The following EIF1B variants were observed in gnomAD, a reference collection of about 807,000 sequenced individuals.
EIF1B encodes protein translation factor SUI1 homolog GC20.
EIF1B carries 5 observed loss-of-function variants against 14.8 expected under a neutral mutation model. The observed-to-expected ratio is 0.34, with a 90% CI of 0.18 to 0.71. The LOEUF (loss-of-function observed/expected upper bound fraction) is 0.71, where lower values mean the gene tolerates loss of function less well. Ranked by LOEUF, EIF1B falls within the 30% of genes least tolerant of loss-of-function variation. The pLI, the probability that EIF1B is intolerant of heterozygous loss-of-function variation, is 0.64. For synonymous variants in EIF1B, 45 were observed against 45.8 expected (o/e 0.98, Z 0.07); for missense variants, 56 against 134.0 (o/e 0.42, Z 2.87).
At chr3:40,310,553 T>C (rs1018300966) in intron 1 of EIF1B, 1 of 209,988 alleles carries the variant, frequency 4.8e-6, no homozygotes, top group Admixed American at 5.6e-5. Context: ...TTCATCAGAA[T>C]GTAATCGAGA....
Position 40,309,844 on chromosome 3 carries a change from T to C in EIF1B, c.-98T>C. On this transcript the variant is annotated 5_prime_UTR_variant, in exon 1 of 4. Coordinates refer to ENST00000232905, the MANE Select transcript of EIF1B (RefSeq NM_005875.3). Reference sequence around the variant, plus strand: ...AACCCCAGGGCGAAGCGTTTTCTTATTTATTTCCGTTTTCTCGCCACTACA... The same window carrying C: ...AACCCCAGGGCGAAGCGTTTTCTTACTTATTTCCGTTTTCTCGCCACTACA... 2.1e-6 allele frequency: 3 copies of C among 1,428,304 alleles called. No individual in the cohort carries two copies. Among genetic ancestry groups the C allele is most frequent in the Non-Finnish European group, 2.9e-6 (3 of 1,017,762 alleles). The allele number at this position is 1,428,304 out of a possible 1,614,324, so 88.5% of individuals were successfully genotyped here.
Position 40,311,064 on chromosome 3 carries a change from G to T in EIF1B, c.195+8G>T, listed in dbSNP as rs1425876189. The stretch of plus-strand genomic sequence containing the variant: ...GTGAAAGCTTTCAAAAAGGTAAAGG[G>T]ATTAGGAAGAAAGGATTAGAGTTAC... On this transcript the variant is annotated splice_region_variant and intron_variant, in intron 2 of 3. Transcript: ENST00000232905. 1.9e-6 allele frequency: 3 copies of T among 1,613,138 alleles called. No individual in the cohort carries two copies. Among genetic ancestry groups the T allele is most frequent in the Non-Finnish European group, 1.7e-6 (2 of 1,179,530 alleles).
rs1377955749 is a variant in EIF1B at position 40,309,936 on chromosome 3, T to C, written c.-6T>C. The stretch of plus-strand genomic sequence containing the variant: ...TATCCCCTCACCGGCCTCACACTAG[T>C]ATCGCATGTCCACTATCCAGAACCT... On this transcript the variant is annotated 5_prime_UTR_variant, in exon 1 of 4. Coordinates refer to ENST00000232905, the MANE Select transcript of EIF1B (RefSeq NM_005875.3). 6.2e-7 allele frequency: 1 copy of C among 1,613,894 alleles called. No individual in the cohort carries two copies. Among genetic ancestry groups the C allele is most frequent in the African/African-American group, 1.3e-5 (1 of 74,930 alleles).
chr3:40,312,039 T>A lies in EIF1B; in HGVS notation c.*25T>A. On this transcript the variant is annotated 3_prime_UTR_variant, in exon 4 of 4. Coordinates refer to ENST00000232905, the MANE Select transcript of EIF1B (RefSeq NM_005875.3). ...AAATGAACCTAAATACGTGGAGAATTTCTTGAATAGTTTTGTTCTCTAAAC... is the reference window on the plus strand; with the variant it reads ...AAATGAACCTAAATACGTGGAGAATATCTTGAATAGTTTTGTTCTCTAAAC... The A allele has an allele frequency of 6.3e-7, 1 of 1,589,280 alleles. No homozygotes were observed. The highest frequency in any genetic ancestry group is 2.2e-5 in the East Asian group (1 of 44,712).
At position 40,309,819 on chromosome 3, in the gene EIF1B, A is replaced by C; in HGVS notation, c.-123A>C. 2 of 1,246,750 alleles carry C rather than the reference A, an allele frequency of 1.6e-6. No individual in the cohort carries two copies. Among genetic ancestry groups the C allele is most frequent in the Non-Finnish European group, 2.3e-6 (2 of 865,202 alleles). The allele number at this position is 1,246,750 out of a possible 1,614,324, so 77.2% of individuals were successfully genotyped here. ...GCCGCCGCCACTCCAGCCTAATCCC[A>C]ACCCCAGGGCGAAGCGTTTTCTTAT... On this transcript the variant is annotated 5_prime_UTR_variant, in exon 1 of 4. Transcript: ENST00000232905.
intron 1 of EIF1B, chr3:40,310,675 T>C: frequency 2.5e-6 from 1 of 405,624 alleles, no homozygotes; most frequent in Non-Finnish European, 4.4e-6. Flanking sequence ...TTTTCTACAA[T>C]GGACATAGCT....
intron 1 of EIF1B, 31 bp downstream of exon 1, chr3:40,310,003 T>C (rs2125569329): frequency 6.2e-7 from 1 of 1,612,854 alleles, no homozygotes; most frequent in East Asian, 2.2e-5. Flanking sequence ...CCTCCCTCCC[T>C]TGCCCGGCGC....
In EIF1B at chr3:40,309,773, T is replaced by G. The variant is rs1954301402; in HGVS notation, c.-169T>G. 4 of 724,608 alleles carry G rather than the reference T, an allele frequency of 5.5e-6. No individual in the cohort carries two copies. The highest frequency in any genetic ancestry group is 6.9e-6 in the Non-Finnish European group (3 of 432,812). 44.9% of individuals were successfully genotyped at this position (724,608 alleles called of 1,614,324 possible). On this transcript the variant is annotated 5_prime_UTR_variant, in exon 1 of 4. Coordinates refer to ENST00000232905, the MANE Select transcript of EIF1B (RefSeq NM_005875.3). Reference sequence around the variant, plus strand: ...TTCCTCCGCCTCCTCCTTCGCCTCTTCCTGCCTCCTCCCGGCTTCCGCCGC... The same window carrying G: ...TTCCTCCGCCTCCTCCTTCGCCTCTGCCTGCCTCCTCCCGGCTTCCGCCGC...
chr3:40,311,198 T>A, intron 2 of EIF1B, 142 bp downstream of exon 2: 2 of 788,670 alleles, frequency 2.5e-6, no homozygotes, highest in Non-Finnish European at 3.9e-6. Context: ...ATGTAAATAT[T>A]TAGTTATTCT....
Position 40,309,903 on chromosome 3 carries a change from A to G in EIF1B, c.-39A>G, listed in dbSNP as rs752672239. 1.5e-5 allele frequency: 24 copies of G among 1,612,396 alleles called. No individual in the cohort carries two copies. Among genetic ancestry groups the G allele is most frequent in the Admixed American group, 3.3e-5 (2 of 60,004 alleles). ...ACAAGGTGATCCGGGCGGGCCCCGC[A>G]GGAATTTTATCCCCTCACCGGCCTC... On this transcript the variant is annotated 5_prime_UTR_variant, in exon 1 of 4. Coordinates refer to ENST00000232905, the MANE Select transcript of EIF1B (RefSeq NM_005875.3).
At position 40,310,586 on chromosome 3, in the gene EIF1B, T is replaced by C. The variant is rs1458582492; in HGVS notation, c.32-307T>C. On this transcript the variant is annotated intron_variant, in intron 1 of 3. Coordinates refer to ENST00000232905, the MANE Select transcript of EIF1B (RefSeq NM_005875.3). ...AGATGACGCACATTTTTATAGCGGC[T>C]ACAATATTAAGGTTTTCTAAATCTT... is the stretch of plus-strand genomic sequence containing the variant. 2.1e-5 allele frequency: 5 copies of C among 234,056 alleles called. No homozygotes were observed. The East Asian group carries it at 4.6e-4, about 22-fold the overall frequency. The allele number at this position is 234,056 out of a possible 1,614,324, so 14.5% of individuals were successfully genotyped here.
rs1255534074 is a variant in EIF1B, at chr3:40,309,747, C to G, written c.-195C>G. On this transcript the variant is annotated 5_prime_UTR_variant, in exon 1 of 4. Transcript: ENST00000232905. ...CGCCTCTTCTCTCGCGCCCTCGCCT[C>G]TTCCTCCGCCTCCTCCTTCGCCTCT... The G allele has an allele frequency of 1.6e-6, 1 of 617,048 alleles. No homozygotes were observed. The highest frequency in any genetic ancestry group is 2.8e-6 in the Non-Finnish European group (1 of 355,166). 38.2% of individuals were successfully genotyped at this position (617,048 alleles called of 1,614,324 possible).
intron 1 of EIF1B, among the ~76,000 whole-genome samples, chr3:40,310,223 G>A (rs1954307213): frequency 6.6e-6 from 1 of 152,228 alleles, no homozygotes; most frequent in Admixed American, 6.5e-5. Context: ...TCCTTGACCC[G>A]GCTCTCGCCT....
rs1488652935 is a variant in EIF1B at position 40,309,812 on chromosome 3, T to G, written c.-130T>G. The G allele has an allele frequency of 1.7e-6, 2 of 1,176,444 alleles. No individual in the cohort carries two copies. The highest frequency in any genetic ancestry group is 2.5e-6 in the Non-Finnish European group (2 of 804,598). The allele number at this position is 1,176,444 out of a possible 1,614,324, so 72.9% of individuals were successfully genotyped here. A position where few individuals can be genotyped will look rare whatever the true frequency, so the allele number is the denominator to read the frequency against. ...GGCTTCCGCCGCCGCCACTCCAGCC[T>G]AATCCCAACCCCAGGGCGAAGCGTT... On this transcript the variant is annotated 5_prime_UTR_variant, in exon 1 of 4. Coordinates refer to ENST00000232905, the MANE Select transcript of EIF1B (RefSeq NM_005875.3).
At position 40,309,856 on chromosome 3, in the gene EIF1B, T is replaced by A. The variant is rs1228227719; in HGVS notation, c.-86T>A. 6.7e-7 allele frequency: 1 copy of A among 1,491,252 alleles called. No homozygotes were observed. Among genetic ancestry groups the A allele is most frequent in the East Asian group, 2.3e-5 (1 of 43,962 alleles). The allele number at this position is 1,491,252 out of a possible 1,614,324, so 92.4% of individuals were successfully genotyped here. ...AAGCGTTTTCTTATTTATTTCCGTT[T>A]TCTCGCCACTACAGCCTCCTGACAA... On this transcript the variant is annotated 5_prime_UTR_variant, in exon 1 of 4. Transcript: ENST00000232905.
In EIF1B at chr3:40,312,142, ACATCTG is replaced by A; in HGVS notation, c.*132_*137del. ...TATTTAATCATTCAAACTTCCATTCACATCTGCATGATTACAGAAAACATGGGGTAT... is the reference window on the plus strand; with the variant it reads ...TATTTAATCATTCAAACTTCCATTCACATGATTACAGAAAACATGGGGTAT... On this transcript the variant is annotated 3_prime_UTR_variant, in exon 4 of 4. Coordinates refer to ENST00000232905, the MANE Select transcript of EIF1B (RefSeq NM_005875.3). The A allele has an allele frequency of 1.4e-6, 1 of 709,514 alleles. No individual in the cohort carries two copies. The highest frequency in any genetic ancestry group is 2.5e-6 in the Non-Finnish European group (1 of 402,472). The allele number at this position is 709,514 out of a possible 1,614,324, so 44.0% of individuals were successfully genotyped here.
rs1452087944 is a variant in EIF1B at position 40,309,965 on chromosome 3, A to G, written c.24A>G (p.Gln8=). 7 of 1,613,644 alleles carry G rather than the reference A, an allele frequency of 4.3e-6. No individual in the cohort carries two copies. Among genetic ancestry groups the G allele is most frequent in the African/African-American group, 1.3e-5 (1 of 74,914 alleles). MSTIQNL[Q]SFDPFADATK... ...GCATGTCCACTATCCAGAACCTCCA[A>G]TCTTTCGGTAAGATCCCGTCGCCGC... is the stretch of plus-strand genomic sequence containing the variant. The change falls in exon 1 of 4, where the codon CAA becomes CAG. Residue 8 remains glutamine (Q), a synonymous_variant. Transcript: ENST00000232905.
Position 40,312,311 on chromosome 3 carries a change from G to C in EIF1B, c.*297G>C, listed in dbSNP as rs1453925228. 7.2e-6 allele frequency: 2 copies of C among 278,772 alleles called. No homozygotes were observed. Among genetic ancestry groups the C allele is most frequent in the Non-Finnish European group, 1.3e-5 (2 of 150,990 alleles). 17.3% of individuals were successfully genotyped at this position (278,772 alleles called of 1,614,324 possible). A position where few individuals can be genotyped will look rare whatever the true frequency, so the allele number is the denominator to read the frequency against. On this transcript the variant is annotated 3_prime_UTR_variant, in exon 4 of 4. Transcript: ENST00000232905. Reference sequence around the variant, plus strand: ...TTTCACTTGATTAAATTTTTTTGTTGTTGTATTAAACCATGTACGTTGCAG... The same window carrying C: ...TTTCACTTGATTAAATTTTTTTGTTCTTGTATTAAACCATGTACGTTGCAG...
chr3:40,311,749 G>C, intron 3 of EIF1B, 178 bp downstream of exon 3: 1 of 665,080 alleles, frequency 1.5e-6, no homozygotes, highest in South Asian at 1.9e-5. Context: ...TTTGTCATTA[G>C]AGTATTCTGA....
Sources: gnomAD v4.1 joint callset for allele counts (sites outside exome capture counted in the v4.1 genomes callset) on GRCh38, gnomAD v4.1.1 for gene constraint, MANE v1.5 for transcripts, NCBI Gene and HGNC (gene_info 2026-07-23, HGNC 2026-07-21) for gene names.